TTBK1: variants seen among roughly 807,000 people sequenced by gnomAD.
The protein encoded by TTBK1 is tau-tubulin kinase 1.
In TTBK1, 34 loss-of-function variants were observed where a neutral mutation model predicts 108.5. The observed-to-expected ratio is 0.31, with a 90% confidence interval of 0.24 to 0.42. The LOEUF (loss-of-function observed/expected upper bound fraction) is 0.42. TTBK1 is among the 10% of genes least tolerant of loss of function. The pLI, the probability that TTBK1 is intolerant of heterozygous loss-of-function variation, is 1.00. For synonymous variants in TTBK1, 809 were observed against 795.1 expected (o/e 1.02, Z -0.29); for missense variants, 1,539 against 1,826.0 (o/e 0.84, Z 2.86).
rs891465306 is a variant in TTBK1, at chr6:43,282,384, C to T, written c.1987-343C>T. ...TCATTTTCTGTTATTGTTGCTGACT[C>T]GGGTGCAGGATGCACATGGCGATGA... is the stretch of plus-strand genomic sequence containing the variant. On this transcript the variant is annotated intron_variant, in intron 13 of 14. Transcript: ENST00000259750. The surrounding 1 kb of genome is among the most constrained non-coding windows in gnomAD (Gnocchi z 5.4). Among the ~76,000 whole-genome samples, 29 of 152,188 alleles carry T rather than the reference C, an allele frequency of 1.9e-4. No individual in the cohort carries two copies. The highest frequency in any genetic ancestry group is 3.7e-4 in the Non-Finnish European group (25 of 68,042).
chr6:43,247,377 C>A lies in TTBK1; in HGVS notation c.108+609C>A, dbSNP rs878886278. Among the ~76,000 whole-genome samples, 4 of 152,076 alleles carry A rather than the reference C, an allele frequency of 2.6e-5. No homozygotes were observed. The South Asian group carries it at 8.3e-4, about 32-fold the overall frequency. ...TTGTAGTCTCAGCCTCCTCGGGAGC[C>A]GGGCCTGCCTCGGAGCGGGGGCGTG... On this transcript the variant is annotated intron_variant, in intron 2 of 14. Transcript: ENST00000259750.
In TTBK1 at chr6:43,263,186, C is replaced by T. The variant is rs761105553; in HGVS notation, c.1822C>T (p.Leu608=). 2.5e-6 allele frequency: 4 copies of T among 1,581,982 alleles called. No individual in the cohort carries two copies. In the South Asian group the frequency reaches 4.6e-5, roughly 18 times the overall value. Residue 608 remains leucine, a synonymous_variant, in exon 13 of 15, where the codon CTG becomes TTG. Transcript: ENST00000259750. This position sits in a 1 kb window ranked among gnomAD's most constrained non-coding sequence, Gnocchi z 4.7. ...RSMQALAEED[L]QHLPPQPLPP... ...CATGCAGGCGCTGGCGGAGGAGGAC[C>T]TGCAGCATTTGCCGCCCCAGCCCCT...
At chr6:43,262,677 G>A in intron 12 of TTBK1, 112 bp from the exon 13 acceptor site, 3 of 1,053,344 alleles carry the variant, frequency 2.8e-6, no homozygotes, top group Non-Finnish European at 2.6e-6. Context: ...AGGGTGGGAG[G>A]GGTACTGCGG....
At chr6:43,256,603 G>A (rs1217264345) in intron 9 of TTBK1, among the ~76,000 whole-genome samples, 3 of 152,154 alleles carry the variant, frequency 2.0e-5, no homozygotes, top group African/African-American at 7.2e-5. Flanking sequence ...GCCGGGTGTG[G>A]TGGTGGGTAC....
At chr6:43,247,390 G>C (rs1777122259) in intron 2 of TTBK1, among the ~76,000 whole-genome samples, 2 of 152,222 alleles carry the variant, frequency 1.3e-5, no homozygotes, top group Non-Finnish European at 2.9e-5. Flanking sequence ...GCCTGCCTCG[G>C]AGCGGGGGCG....
intron 2 of TTBK1, among the ~76,000 whole-genome samples, chr6:43,251,026 C>T (rs1033044340): frequency 1.3e-5 from 2 of 152,242 alleles, no homozygotes; most frequent in Non-Finnish European, 2.9e-5. Flanking sequence ...TCTGGTTTCT[C>T]ACTGTTCTTC....
intron 13 of TTBK1, chr6:43,270,386 T>G: frequency 1.0e-6 from 1 of 993,382 alleles, no homozygotes; most frequent in Non-Finnish European, 1.2e-6. Context: ...CCCGAGGGGC[T>G]GGCGGGAGGC....
At chr6:43,264,517 A>G (rs376831860) in intron 13 of TTBK1, among the ~76,000 whole-genome samples, 20 of 152,336 alleles carry the variant, frequency 1.3e-4, no homozygotes, top group Middle Eastern at 6.8e-3. Flanking sequence ...AAACCATGGG[A>G]ATGGGTGATG....
chr6:43,247,330 G>C (rs1490894949), intron 2 of TTBK1, among the ~76,000 whole-genome samples: 1 of 152,190 alleles, frequency 6.6e-6, no homozygotes, highest in African/African-American at 2.4e-5. Context: ...CCGGGGCTTC[G>C]GGCTGCTCGG....
Position 43,249,616 on chromosome 6 carries a change from G to A in TTBK1, c.108+2848G>A, listed in dbSNP as rs546000225. ...TTTTGAGACAGGGTCTCACTCTGTC[G>A]CCCAGGCTCGAGTGCAGTGATGAGA... On this transcript the variant is annotated intron_variant, in intron 2 of 14. Transcript: ENST00000259750. 2.7e-5 allele frequency among the ~76,000 whole-genome samples: 4 copies of A among 150,610 alleles called. No individual in the cohort carries two copies. In the East Asian group the frequency reaches 5.8e-4, roughly 22 times the overall value.
intron 13 of TTBK1, chr6:43,270,582 G>C: frequency 2.0e-6 from 2 of 985,596 alleles, no homozygotes; most frequent in Non-Finnish European, 2.4e-6. Flanking sequence ...TCATCATTGA[G>C]GACAGAGTTC....
At position 43,243,675 on chromosome 6, in the gene TTBK1, CGCCGCA is replaced by C; in HGVS notation, c.-73_-68del. ...CGCCCCGAGCTGCTGCCTCCGCCGC[CGCCGCA>C]GCCGCAGCCGCAGCGGGCACAGAGC... On this transcript the variant is annotated 5_prime_UTR_variant, in exon 1 of 15. Coordinates refer to ENST00000259750, the MANE Select transcript of TTBK1 (RefSeq NM_032538.3). The surrounding 1 kb of genome is among the most constrained non-coding windows in gnomAD (Gnocchi z 5.5). The C allele has an allele frequency of 6.5e-6, 1 of 153,278 alleles. No individual in the cohort carries two copies. Among genetic ancestry groups the C allele is most frequent in the Non-Finnish European group, 1.5e-5 (1 of 68,846 alleles). 9.5% of individuals were successfully genotyped at this position (153,278 alleles called of 1,614,324 possible).
intron 13 of TTBK1, chr6:43,272,141 T>C: frequency 5.1e-6 from 5 of 984,998 alleles, no homozygotes; most frequent in Non-Finnish European, 6.0e-6. Context: ...TGGCAGGAGG[T>C]GAAGTGAAGG....
rs1311142021 is a variant in TTBK1 at position 43,263,597 on chromosome 6, CAGG to C, written c.1986+250_1986+252del. Among the ~76,000 whole-genome samples the C allele has an allele frequency of 6.6e-6, 1 of 152,210 alleles. No individual in the cohort carries two copies. The highest frequency in any genetic ancestry group is 1.5e-5 in the Non-Finnish European group (1 of 68,028). On this transcript the variant is annotated intron_variant, in intron 13 of 14. Coordinates refer to ENST00000259750, the MANE Select transcript of TTBK1 (RefSeq NM_032538.3). This position sits in a 1 kb window ranked among gnomAD's most constrained non-coding sequence, Gnocchi z 4.7. ...TGAGCAGTGAAGCCAAGTGACAAGG[CAGG>C]AGAAGGGCCTCGCAGGCCACGGGCA... is the stretch of plus-strand genomic sequence containing the variant.
intron 13 of TTBK1, chr6:43,271,206 G>T: frequency 1.0e-6 from 1 of 985,480 alleles, no homozygotes; most frequent in Non-Finnish European, 1.2e-6. Flanking sequence ...GAGGCCCAAA[G>T]ATTTGCAAAA....
chr6:43,262,285 G>A (rs1777561705), intron 12 of TTBK1, among the ~76,000 whole-genome samples: 1 of 152,198 alleles, frequency 6.6e-6, no homozygotes, highest in Non-Finnish European at 1.5e-5. Context: ...CATCTTGGGG[G>A]TGATGAAACC....
chr6:43,271,869 C>G, intron 13 of TTBK1: 3 of 950,824 alleles, frequency 3.2e-6, no homozygotes, highest in Non-Finnish European at 3.7e-6. Context: ...TACTTGTGCC[C>G]CACCCCCACC....
chr6:43,283,154 C>G lies in TTBK1; in HGVS notation c.2414C>G (p.Pro805Arg), dbSNP rs770675718. Reference protein sequence around the residue: ...RSTDRSQEGAPSTLLADDQKE... With the variant: ...RSTDRSQEGARSTLLADDQKE... The stretch of plus-strand genomic sequence containing the variant: ...ACTGACCGGAGCCAGGAGGGTGCCC[C>G]GTCCACGCTGCTGGCAGACGATCAG... Residue 805 changes from proline to arginine, a missense_variant, in exon 14 of 15, where the codon CCG becomes CGG. Physicochemically the swap from Pro to Arg is moderately radical, Grantham distance 103. Coordinates refer to ENST00000259750, the MANE Select transcript of TTBK1 (RefSeq NM_032538.3). The surrounding 1 kb of genome is among the most constrained non-coding windows in gnomAD (Gnocchi z 8.1). 11 of 1,563,492 alleles carry G rather than the reference C, an allele frequency of 7.0e-6. No individual in the cohort carries two copies. Among genetic ancestry groups the G allele is most frequent in the Non-Finnish European group, 8.7e-6 (10 of 1,154,802 alleles).
intron 10 of TTBK1, among the ~76,000 whole-genome samples, chr6:43,258,225 C>T (rs1426412884): frequency 6.6e-6 from 1 of 152,166 alleles, no homozygotes; most frequent in Non-Finnish European, 1.5e-5. Context: ...ATTACCTGAG[C>T]CCCACAGTTT....
Sources: gnomAD v4.1 joint callset for allele counts (sites outside exome capture counted in the v4.1 genomes callset) on GRCh38, gnomAD v4.1.1 for gene constraint, Gnocchi (gnomAD v3.1) non-coding constraint, MANE v1.5 for transcripts, NCBI Gene and HGNC (gene_info 2026-07-23, HGNC 2026-07-21) for gene names.